The following NRCAM variants were observed in gnomAD, a reference collection of about 807,000 sequenced individuals.
NRCAM encodes neuronal cell adhesion molecule.
Under a neutral mutation model 156.5 loss-of-function variants are expected in NRCAM, and 83 were observed. That is an observed-to-expected ratio of 0.53 (90% CI 0.44 to 0.64). The LOEUF is 0.64. Ranked by LOEUF, NRCAM falls within the 30% of genes least tolerant of loss-of-function variation. NRCAM has a pLI of 0.00. For synonymous variants in NRCAM, 538 were observed against 563.9 expected (o/e 0.95, Z 0.65); for missense variants, 1,417 against 1,597.3 (o/e 0.89, Z 1.92).
chr7:108,207,442 TA>T, intron 13 of NRCAM, 85 bp downstream of exon 13: 1 of 1,404,838 alleles, frequency 7.1e-7, no homozygotes, highest in Non-Finnish European at 9.7e-7. Flanking sequence ...TAACCTGAGT[TA>T]TTTTTTTATC....
At chr7:108,168,457 C>A (rs1481314403) in intron 28 of NRCAM, 55 bp from the exon 29 acceptor site, 18 of 1,419,468 alleles carry the variant, frequency 1.3e-5, no homozygotes, top group Non-Finnish European at 1.6e-5. Context: ...ACCATACACA[C>A]GAATATAAAA....
chr7:108,185,041 G>T lies in NRCAM; in HGVS notation c.2036-427C>A, dbSNP rs140753076. 3.8e-4 allele frequency among the ~76,000 whole-genome samples: 58 copies of T among 152,086 alleles called. No homozygotes were observed. The East Asian group carries it at 9.7e-3, about 26-fold the overall frequency. ...AAAAAGTTTAAATATATGAAAAGAT[G>T]ATCAAATTTTTTTCATAATAGGATA... On this transcript the variant is annotated intron_variant, in intron 20 of 32. Transcript: ENST00000379028.
intron 3 of NRCAM, among the ~76,000 whole-genome samples, chr7:108,248,127 T>C (rs2096079765): frequency 6.6e-6 from 1 of 152,144 alleles, no homozygotes; most frequent in African/African-American, 2.4e-5. Context: ...CAAATAGCAC[T>C]GAGAAGATGT....
intron 2 of NRCAM, among the ~76,000 whole-genome samples, chr7:108,374,187 C>T (rs765674129): frequency 2.0e-5 from 3 of 152,100 alleles, no homozygotes; most frequent in Non-Finnish European, 4.4e-5. Context: ...TGACTAGTAA[C>T]TAGGGCTCTG....
chr7:108,191,127 A>G lies in NRCAM; in HGVS notation c.1933+127T>C, dbSNP rs1182219110. ...GTCAGTAAATGGGTGACACAACATAACAACTGACAGAGACCTTTTCCTTAA... is the reference window on the plus strand; with the variant it reads ...GTCAGTAAATGGGTGACACAACATAGCAACTGACAGAGACCTTTTCCTTAA... On this transcript the variant is annotated intron_variant, in intron 19 of 32. Transcript: ENST00000379028. 10 of 681,170 alleles carry G rather than the reference A, an allele frequency of 1.5e-5. 1 individual carries two copies. In the South Asian group the frequency reaches 2.1e-4, roughly 14 times the overall value. The allele number at this position is 681,170 out of a possible 1,614,324, so 42.2% of individuals were successfully genotyped here. A position where few individuals can be genotyped will look rare whatever the true frequency, so the allele number is the denominator to read the frequency against.
intron 1 of NRCAM, among the ~76,000 whole-genome samples, chr7:108,441,075 AC>A (rs1443077608): frequency 1.3e-5 from 2 of 152,218 alleles, no homozygotes; most frequent in Non-Finnish European, 2.9e-5. Context: ...CTTAACTGTT[AC>A]CATGGAAATA....
chr7:108,295,964 G>A (rs2098446679), intron 3 of NRCAM, among the ~76,000 whole-genome samples: 1 of 152,212 alleles, frequency 6.6e-6, no homozygotes, highest in African/African-American at 2.4e-5. Flanking sequence ...GACTGCATTT[G>A]AAAAGGGCTT....
chr7:108,450,793 T>C (rs1316330960), intron 1 of NRCAM, among the ~76,000 whole-genome samples: 3 of 152,218 alleles, frequency 2.0e-5, no homozygotes, highest in Non-Finnish European at 4.4e-5. Flanking sequence ...ATTTCTTGCT[T>C]TGCACAAAGT....
intron 2 of NRCAM, among the ~76,000 whole-genome samples, chr7:108,364,792 C>T (rs1015518137): frequency 6.8e-6 from 1 of 148,046 alleles, no homozygotes; most frequent in African/African-American, 2.5e-5. Flanking sequence ...CTAGGCAAAT[C>T]CACAGAAACA....
chr7:108,454,117 G>T (rs982339165), intron 1 of NRCAM, among the ~76,000 whole-genome samples: 5 of 152,180 alleles, frequency 3.3e-5, no homozygotes, highest in Non-Finnish European at 7.4e-5. Context: ...TGGATTGTGG[G>T]TTAACAGCCA....
intron 1 of NRCAM, among the ~76,000 whole-genome samples, chr7:108,428,391 T>C (rs1820207580): frequency 6.6e-6 from 1 of 152,224 alleles, no homozygotes; most frequent in Non-Finnish European, 1.5e-5. Flanking sequence ...CCATGATACA[T>C]ATTTTAACAT....
At chr7:108,281,815 T>C (rs1160662491) in intron 3 of NRCAM, among the ~76,000 whole-genome samples, 3 of 152,226 alleles carry the variant, frequency 2.0e-5, no homozygotes, top group African/African-American at 7.2e-5. Context: ...GAAGTTTTGA[T>C]GGGCAAACTG....
In NRCAM at chr7:108,186,735, ATTTAAT is replaced by A. The variant is rs2067053851; in HGVS notation, c.2036-2127_2036-2122del. On this transcript the variant is annotated intron_variant, in intron 20 of 32. Transcript: ENST00000379028. ...TTTATATCTTAAATAAATGTAAGCA[ATTTAAT>A]TTTAAACAATTTTAAATCTATTTAT... Among the ~76,000 whole-genome samples the A allele has an allele frequency of 1.4e-4, 22 of 152,320 alleles. 1 individual carries two copies. In the South Asian group the frequency reaches 4.6e-3, roughly 32 times the overall value.
intron 3 of NRCAM, among the ~76,000 whole-genome samples, chr7:108,258,586 C>T (rs768218318): frequency 1.4e-4 from 21 of 152,210 alleles, no homozygotes; most frequent in Non-Finnish European, 3.1e-4. Flanking sequence ...CAGAGCCTAG[C>T]TTAAATCCTG....
At chr7:108,236,109 C>G (rs970597799) in intron 5 of NRCAM, among the ~76,000 whole-genome samples, 1 of 152,164 alleles carries the variant, frequency 6.6e-6, no homozygotes, top group Non-Finnish European at 1.5e-5. Context: ...AAACATTTCT[C>G]AAAGCTCAGT....
chr7:108,381,563 T>C (rs985645705), intron 2 of NRCAM, among the ~76,000 whole-genome samples: 602 of 101,028 alleles, frequency 6.0e-3, no homozygotes, highest in Non-Finnish European at 8.4e-3. Flanking sequence ...TTTTTTTTCT[T>C]TTTTTTTTTT....
At chr7:108,375,264 T>C (rs545636959) in intron 2 of NRCAM, among the ~76,000 whole-genome samples, 3 of 152,220 alleles carry the variant, frequency 2.0e-5, no homozygotes, top group Admixed American at 6.5e-5. Flanking sequence ...TGTTCAGTAT[T>C]TGAATACTGA....
At chr7:108,421,552 T>C (rs752962228) in intron 1 of NRCAM, among the ~76,000 whole-genome samples, 1 of 152,196 alleles carries the variant, frequency 6.6e-6, no homozygotes, top group African/African-American at 2.4e-5. Flanking sequence ...GAAGTAGATA[T>C]TAGAATCATT....
intron 3 of NRCAM, among the ~76,000 whole-genome samples, chr7:108,252,588 TCAG>T (rs1238445235): frequency 6.6e-6 from 1 of 152,230 alleles, no homozygotes; most frequent in Non-Finnish European, 1.5e-5. Flanking sequence ...CTGTTAATAC[TCAG>T]CAGGAGCTTG....
Sources: gnomAD v4.1 joint callset for allele counts (sites outside exome capture counted in the v4.1 genomes callset) on GRCh38, gnomAD v4.1.1 for gene constraint, MANE v1.5 for transcripts, NCBI Gene and HGNC (gene_info 2026-07-23, HGNC 2026-07-21) for gene names.